GASK1A: variants seen among roughly 807,000 people sequenced by gnomAD.
GASK1A encodes Golgi-associated kinase 1A.
GASK1A carries 40 observed loss-of-function variants against 41.2 expected under a neutral mutation model. That is an observed-to-expected ratio of 0.97 (90% CI 0.75 to 1.27). The LOEUF (loss-of-function observed/expected upper bound fraction) is 1.27. Among genes scored for constraint, GASK1A ranks in the 50% most tolerant of loss-of-function variants. GASK1A has a pLI of 0.00. For synonymous variants in GASK1A, 316 were observed against 307.1 expected, an observed-to-expected ratio of 1.03 and a Z score of -0.30; for missense variants, 678 against 745.1, an observed-to-expected ratio of 0.91 and a Z score of 1.05.
intron 2 of GASK1A, among the ~76,000 whole-genome samples, chr3:43,048,962 GA>G (rs2089676323): frequency 6.6e-6 from 1 of 152,166 alleles, no homozygotes; most frequent in African/African-American, 2.4e-5. Flanking sequence ...ACATAAGCAA[GA>G]AAAGAATCTA....
chr3:43,053,566 C>T lies in GASK1A; in HGVS notation c.1336C>T (p.Pro446Ser), dbSNP rs2089700968. ...CTACTGCTGTGGCTTCGAGCCTGAGCCCTCAGACCCCTGTGTGGAAGAGAG... is the reference window on the plus strand; with the variant it reads ...CTACTGCTGTGGCTTCGAGCCTGAGTCCTCAGACCCCTGTGTGGAAGAGAG... ...DRYCCGFEPE[P>S]SDPCVEERLR... The change falls in exon 3 of 5, where the codon CCC (proline) becomes TCC (serine). Residue 446 changes from proline (P) to serine (S), a missense_variant. Transcript: ENST00000430121. The T allele has an allele frequency of 3.2e-6, 5 of 1,551,678 alleles. No individual in the cohort carries two copies. The highest frequency in any genetic ancestry group is 1.7e-4 in the Middle Eastern group (1 of 5,992).
intron 2 of GASK1A, chr3:43,037,402 GC>G: frequency 1.0e-6 from 1 of 953,728 alleles, no homozygotes; most frequent in Non-Finnish European, 1.7e-6. Context: ...GACAGCCCTT[GC>G]CACACAGAAG....
intron 1 of GASK1A, among the ~76,000 whole-genome samples, chr3:43,028,950 G>A (rs2089561263): frequency 6.6e-6 from 1 of 151,982 alleles, no homozygotes; most frequent in South Asian, 2.1e-4. Context: ...AGGGCTTTGT[G>A]GCCCTGGGAC....
At chr3:43,017,753 C>G (rs970424912) in intron 1 of GASK1A, among the ~76,000 whole-genome samples, 1 of 144,758 alleles carries the variant, frequency 6.9e-6, no homozygotes, top group Non-Finnish European at 1.5e-5. Context: ...CCACAGGGGG[C>G]CGTCTGAAGC....
At chr3:43,020,784 T>G (rs1436220177) in intron 1 of GASK1A, among the ~76,000 whole-genome samples, 2 of 152,194 alleles carry the variant, frequency 1.3e-5, no homozygotes, top group Non-Finnish European at 2.9e-5. Context: ...CTTCTCACGG[T>G]GAGGACAGAT....
intron 2 of GASK1A, chr3:43,037,132 C>T (rs1017799536): frequency 2.9e-5 from 25 of 860,104 alleles, no homozygotes; most frequent in African/African-American, 1.9e-4. Flanking sequence ...AACCAGGCAG[C>T]GATTCAGGGC....
rs200716445 is a variant in GASK1A at position 43,003,986 on chromosome 3, TATTC to T, written c.3+24354_3+24357del. 1.3e-3 allele frequency among the ~76,000 whole-genome samples: 199 copies of T among 152,328 alleles called. 4 individuals carry two copies. The East Asian group carries it at 0.031, about 23-fold the overall frequency. On this transcript the variant is annotated intron_variant, in intron 1 of 4. Transcript: ENST00000430121. Reference sequence around the variant, plus strand: ...AATATATGCATTTCATTCATTTATTTATTCATTCATTCATTCGTTTAGGATCTAT... The same window carrying T: ...AATATATGCATTTCATTCATTTATTTATTCATTCATTCGTTTAGGATCTAT...
At chr3:43,047,219 T>C (rs1377654364) in intron 2 of GASK1A, among the ~76,000 whole-genome samples, 1 of 152,088 alleles carries the variant, frequency 6.6e-6, no homozygotes, top group Non-Finnish European at 1.5e-5. Flanking sequence ...TGCTAGCCGG[T>C]GAGAGCAGTC....
At chr3:43,021,313 T>G (rs547038786) in intron 1 of GASK1A, among the ~76,000 whole-genome samples, 1 of 152,310 alleles carries the variant, frequency 6.6e-6, no homozygotes, top group African/African-American at 2.4e-5. Flanking sequence ...GGCCAATAAA[T>G]TCTTTCCTGT....
intron 2 of GASK1A, among the ~76,000 whole-genome samples, chr3:43,046,341 A>G (rs1454037379): frequency 6.6e-6 from 1 of 152,258 alleles, no homozygotes; most frequent in East Asian, 1.9e-4. Context: ...ATGCTTTAGC[A>G]AAGAAACTGG....
At chr3:43,045,615 C>A (rs2089657920) in intron 2 of GASK1A, among the ~76,000 whole-genome samples, 1 of 152,150 alleles carries the variant, frequency 6.6e-6, no homozygotes, top group Non-Finnish European at 1.5e-5. Flanking sequence ...TGTTGGTAGC[C>A]TCTGGTGGCT....
At chr3:42,980,797 G>T (rs538102588) in intron 1 of GASK1A, among the ~76,000 whole-genome samples, 11 of 152,280 alleles carry the variant, frequency 7.2e-5, no homozygotes, top group African/African-American at 2.2e-4. Flanking sequence ...GCTGCTAAGA[G>T]AAGGAAATAG....
rs1479998336 is a variant in GASK1A, at chr3:43,019,241, A to C, written c.4-13026A>C. Among the ~76,000 whole-genome samples the C allele has an allele frequency of 2.6e-5, 4 of 152,182 alleles. No homozygotes were observed. In the East Asian group the frequency reaches 7.7e-4, roughly 29 times the overall value. ...TTGAAGTTGCTGATGTGTAAGGAAA[A>C]ATCAAAGCCCTCTGATGGAGCTGAG... is the stretch of plus-strand genomic sequence containing the variant. On this transcript the variant is annotated intron_variant, in intron 1 of 4. Transcript: ENST00000430121.
intron 1 of GASK1A, among the ~76,000 whole-genome samples, chr3:43,020,993 A>T (rs2089519602): frequency 6.6e-6 from 1 of 152,222 alleles, no homozygotes; most frequent in East Asian, 1.9e-4. Flanking sequence ...TAATGCTATT[A>T]AGGACACTGC....
intron 1 of GASK1A, among the ~76,000 whole-genome samples, chr3:42,997,332 C>G (rs2089380843): frequency 1.3e-5 from 2 of 152,058 alleles, no homozygotes; most frequent in Admixed American, 1.3e-4. Flanking sequence ...GGCCTCTGCT[C>G]CCTGCTCTTC....
intron 1 of GASK1A, among the ~76,000 whole-genome samples, chr3:43,005,148 G>T (rs1481579430): frequency 6.6e-6 from 1 of 152,168 alleles, no homozygotes; most frequent in African/African-American, 2.4e-5. Flanking sequence ...GGGCCCATCA[G>T]ATGATCTAGG....
At chr3:42,997,443 G>GC (rs879346426) in intron 1 of GASK1A, among the ~76,000 whole-genome samples, 6 of 151,806 alleles carry the variant, frequency 4.0e-5, no homozygotes, top group South Asian at 4.2e-4. Flanking sequence ...AGAGAGGGGG[G>GC]GGGGATCTGG....
At chr3:43,055,779 G>A in intron 4 of GASK1A, 1 of 515,374 alleles carries the variant, frequency 1.9e-6, no homozygotes, top group Admixed American at 3.3e-5. Flanking sequence ...TTGCTGGGGT[G>A]TGGGAAGGCT....
chr3:43,031,225 C>T (rs546760969), intron 1 of GASK1A, among the ~76,000 whole-genome samples: 28 of 152,136 alleles, frequency 1.8e-4, no homozygotes, highest in Non-Finnish European at 3.8e-4. Context: ...AGGGCTCTGC[C>T]TGTAGGTCTG....
Sources: allele counts gnomAD v4.1 joint callset (sites outside exome capture counted in the v4.1 genomes callset), GRCh38; gene constraint gnomAD v4.1.1; transcripts MANE v1.5; gene names NCBI Gene and HGNC (gene_info 2026-07-23, HGNC 2026-07-21).